CSMD3: variants seen among roughly 807,000 people sequenced by gnomAD.
CSMD3 encodes CUB and sushi domain-containing protein 3.
Under a neutral mutation model 435.2 loss-of-function variants are expected in CSMD3, and 177 were observed. That is an observed-to-expected ratio of 0.41 (90% CI 0.36 to 0.46). The LOEUF (loss-of-function observed/expected upper bound fraction) is 0.46, where lower values mean the gene tolerates loss of function less well. CSMD3 is among the 20% of genes least tolerant of loss of function. CSMD3 has a pLI of 0.34. For synonymous variants in CSMD3, 1,656 were observed against 1,520.5 expected (o/e 1.09, Z -2.07); for missense variants, 4,265 against 4,504.6 (o/e 0.95, Z 1.52).
At chr8:112,381,576 C>T (rs993375565) in intron 37 of CSMD3, among the ~76,000 whole-genome samples, 1 of 152,176 alleles carries the variant, frequency 6.6e-6, no homozygotes, top group African/African-American at 2.4e-5. Context: ...CTTTGCGCAA[C>T]TTTGTGGACC....
chr8:113,052,535 C>T (rs768213), intron 5 of CSMD3, among the ~76,000 whole-genome samples: 14,288 of 152,178 alleles, frequency 0.094, 866 homozygotes, highest in Middle Eastern at 0.16. Context: ...CCCAGCACTT[C>T]GGTAGGCAAA....
chr8:112,779,673 T>C (rs1350629306), intron 13 of CSMD3, among the ~76,000 whole-genome samples: 1 of 152,102 alleles, frequency 6.6e-6, no homozygotes, highest in African/African-American at 2.4e-5. Flanking sequence ...AAATGACTTA[T>C]TCATATAAAT....
At chr8:112,407,826 G>A (rs1831992619) in intron 34 of CSMD3, among the ~76,000 whole-genome samples, 1 of 151,974 alleles carries the variant, frequency 6.6e-6, no homozygotes, top group Non-Finnish European at 1.5e-5. Flanking sequence ...AATAAAATGT[G>A]TAAACAAACT....
rs376781622 is a variant in CSMD3, at chr8:113,137,432, T to C, written c.709+36290A>G. ...GTATTTTAATTTGTCTTGTTTAGTT[T>C]ATTCCCAATGCAATTGTGCTAGCTC... is the stretch of plus-strand genomic sequence containing the variant. On this transcript the variant is annotated intron_variant, in intron 4 of 70. Coordinates refer to ENST00000297405, the MANE Select transcript of CSMD3 (RefSeq NM_198123.2). Among the ~76,000 whole-genome samples the C allele has an allele frequency of 1.6e-4, 24 of 151,866 alleles. No homozygotes were observed. The East Asian group carries it at 3.7e-3, about 23-fold the overall frequency.
chr8:112,946,390 G>T (rs2083611192), intron 9 of CSMD3, among the ~76,000 whole-genome samples: 1 of 151,610 alleles, frequency 6.6e-6, no homozygotes, highest in Non-Finnish European at 1.5e-5. Context: ...AATGAAATTT[G>T]TTTGACTTTA....
chr8:113,231,614 A>T (rs2093088204), intron 3 of CSMD3, among the ~76,000 whole-genome samples: 1 of 151,520 alleles, frequency 6.6e-6, no homozygotes, highest in South Asian at 2.1e-4. Flanking sequence ...TCTTCATTCA[A>T]CTAATATTTA....
chr8:113,411,168 A>AT (rs1563795795), intron 1 of CSMD3, among the ~76,000 whole-genome samples: 2 of 151,946 alleles, frequency 1.3e-5, no homozygotes. Context: ...ACGTGTAATC[A>AT]TTTTTTGTCA....
chr8:113,308,687 C>A (rs1328875910), intron 2 of CSMD3, among the ~76,000 whole-genome samples: 1 of 152,024 alleles, frequency 6.6e-6, no homozygotes, highest in Non-Finnish European at 1.5e-5. Context: ...ATAATTAATT[C>A]TTTTTAATGA....
intron 20 of CSMD3, among the ~76,000 whole-genome samples, chr8:112,640,502 C>T (rs539472813): frequency 6.6e-6 from 1 of 151,936 alleles, no homozygotes; most frequent in Non-Finnish European, 1.5e-5. Flanking sequence ...AAGGTTATCA[C>T]TGCATAATGA....
Position 112,587,238 on chromosome 8 carries a change from G to A in CSMD3, c.3716-3C>T, listed in dbSNP as rs771230838. 1.2e-6 allele frequency: 2 copies of A among 1,604,632 alleles called. No homozygotes were observed. Among genetic ancestry groups the A allele is most frequent in the South Asian group, 2.2e-5 (2 of 90,888 alleles). Reference sequence around the variant, plus strand: ...CGTTGCAGATGCACCACATTCAGCTGCAGGTAAAACAGAATATTGAAGTAC... The same window carrying A: ...CGTTGCAGATGCACCACATTCAGCTACAGGTAAAACAGAATATTGAAGTAC... On this transcript the variant is annotated splice_polypyrimidine_tract_variant and splice_region_variant and intron_variant, in intron 22 of 70. Transcript: ENST00000297405.
At chr8:113,124,404 C>A (rs980721247) in intron 4 of CSMD3, among the ~76,000 whole-genome samples, 1 of 151,580 alleles carries the variant, frequency 6.6e-6, no homozygotes, top group East Asian at 1.9e-4. Flanking sequence ...AACGAGACAT[C>A]ATTGTATAAT....
chr8:113,014,134 C>G (rs1354668959), intron 6 of CSMD3, among the ~76,000 whole-genome samples: 1 of 152,056 alleles, frequency 6.6e-6, no homozygotes, highest in Non-Finnish European at 1.5e-5. Context: ...CTGGAGCCAA[C>G]AATTGTGGCC....
intron 10 of CSMD3, among the ~76,000 whole-genome samples, chr8:112,885,658 A>G (rs535306524): frequency 1.0e-3 from 153 of 151,842 alleles, no homozygotes; most frequent in Non-Finnish European, 1.7e-3. Flanking sequence ...ATTAATGACA[A>G]TGATGCTGGG....
chr8:112,624,409 G>A (rs1834322072), intron 22 of CSMD3, among the ~76,000 whole-genome samples: 1 of 152,044 alleles, frequency 6.6e-6, no homozygotes, highest in South Asian at 2.1e-4. Flanking sequence ...GGTGTATGCT[G>A]CTCAAAATGT....
At chr8:112,328,115 A>C (rs1823683849) in intron 45 of CSMD3, among the ~76,000 whole-genome samples, 1 of 152,178 alleles carries the variant, frequency 6.6e-6, no homozygotes, top group Admixed American at 6.6e-5. Context: ...ATTCCCTTAT[A>C]AACTCTAAGC....
intron 10 of CSMD3, among the ~76,000 whole-genome samples, chr8:112,897,214 CATGT>C (rs1179924707): frequency 1.3e-5 from 2 of 151,364 alleles, no homozygotes; most frequent in East Asian, 3.9e-4. Context: ...CGTATGCATG[CATGT>C]GTGTGCTTGT....
At chr8:112,875,484 G>A (rs747473776) in intron 10 of CSMD3, among the ~76,000 whole-genome samples, 1 of 152,108 alleles carries the variant, frequency 6.6e-6, no homozygotes, top group African/African-American at 2.4e-5. Flanking sequence ...GGTTGGGGAA[G>A]TCCTCCTGGA....
intron 7 of CSMD3, among the ~76,000 whole-genome samples, chr8:112,960,732 G>A (rs2084195892): frequency 6.6e-6 from 1 of 151,542 alleles, no homozygotes; most frequent in African/African-American, 2.4e-5. Context: ...AAAATTCATT[G>A]GTAGAGATAA....
chr8:113,386,549 ATCTC>A (rs144002823), intron 1 of CSMD3, among the ~76,000 whole-genome samples: 1 of 149,880 alleles, frequency 6.7e-6, no homozygotes, highest in Non-Finnish European at 1.5e-5. Flanking sequence ...GTTAGAATTG[ATCTC>A]TCTCTCTCTC....
Sources: allele counts gnomAD v4.1 joint callset (sites outside exome capture counted in the v4.1 genomes callset), GRCh38; gene constraint gnomAD v4.1.1; transcripts MANE v1.5; gene names NCBI Gene and HGNC (gene_info 2026-07-23, HGNC 2026-07-21).